Variants in NRP2 observed in about 807,000 individuals in gnomAD.
NRP2 encodes the protein neuropilin 2.
Under a neutral mutation model 110.4 loss-of-function variants are expected in NRP2, and 52 were observed. That is an observed-to-expected ratio of 0.47 (90% confidence interval 0.38 to 0.59). The LOEUF (loss-of-function observed/expected upper bound fraction) is 0.59, where lower values mean the gene tolerates loss of function less well. NRP2 is among the 20% of genes least tolerant of loss of function. The pLI is 0.00. For synonymous variants in NRP2, 508 were observed against 468.9 expected (o/e 1.08, Z -1.08); for missense variants, 1,049 against 1,203.0 (o/e 0.87, Z 1.89).
intron 1 of NRP2, among the ~76,000 whole-genome samples, chr2:205,689,246 G>C (rs1329744444): frequency 6.6e-6 from 1 of 152,202 alleles, no homozygotes; most frequent in African/African-American, 2.4e-5. Context: ...GACTGCCTGG[G>C]TTTAGAATCT....
rs1400138387 is a variant in NRP2 at position 205,722,655 on chromosome 2, G to A, written c.611G>A (p.Gly204Glu). 1.2e-6 allele frequency: 2 copies of A among 1,614,238 alleles called. No individual in the cohort carries two copies. Among genetic ancestry groups the A allele is most frequent in the Admixed American group, 1.7e-5 (1 of 60,036 alleles). ...CTGGAGCATGACCCTTTGCAGGTGG[G>A]AGAGGGGGACTGCAAGTACGATTGG... ...FDLEHDPLQVGEGDCKYDWLD... is the reference protein window; with the variant it reads ...FDLEHDPLQVEEGDCKYDWLD... The change falls in exon 4 of 17, where the codon GGA (glycine) becomes GAA (glutamate). Residue 204 changes from glycine to glutamate, a missense_variant. Coordinates refer to ENST00000357785, the MANE Select transcript of NRP2 (RefSeq NM_003872.3).
At chr2:205,788,710 T>C (rs1270109361) in intron 15 of NRP2, among the ~76,000 whole-genome samples, 6 of 152,214 alleles carry the variant, frequency 3.9e-5, no homozygotes, top group Non-Finnish European at 8.8e-5. Context: ...ATCCCTGCCC[T>C]GGACTCCAGC....
In NRP2 at chr2:205,763,886, G is replaced by A. The variant is rs753078349; in HGVS notation, c.2257G>A (p.Glu753Lys). The A allele has an allele frequency of 3.1e-6, 5 of 1,614,068 alleles. No individual in the cohort carries two copies. Among genetic ancestry groups the A allele is most frequent in the Non-Finnish European group, 4.2e-6 (5 of 1,179,948 alleles). Reference protein sequence around the residue: ...LWVIREDQGGEWKHGRIILPS... With the variant: ...LWVIREDQGGKWKHGRIILPS... The stretch of plus-strand genomic sequence containing the variant: ...GGTCATCCGTGAGGACCAGGGCGGC[G>A]AGTGGAAGCACGGGCGGATCATCCT... Residue 753 changes from glutamate (E) to lysine (K), a missense_variant, in exon 13 of 17, where the codon GAG (glutamate) becomes AAG (lysine). Glu to Lys is a moderately conservative substitution (Grantham distance 56). Transcript: ENST00000357785. This position sits in a 1 kb window ranked among gnomAD's most constrained non-coding sequence, Gnocchi z 4.0.
chr2:205,755,484 G>A (rs2057717626), intron 12 of NRP2, among the ~76,000 whole-genome samples: 2 of 152,214 alleles, frequency 1.3e-5, no homozygotes, highest in South Asian at 4.1e-4. Context: ...ATCCTCTGAT[G>A]ACTTTATGAA....
intron 15 of NRP2, chr2:205,776,349 G>A (rs756876111): frequency 6.2e-7 from 1 of 1,613,056 alleles, no homozygotes; most frequent in Non-Finnish European, 8.5e-7. Flanking sequence ...GCGCCGTGCT[G>A]GTGCTGGTCT....
intron 10 of NRP2, among the ~76,000 whole-genome samples, chr2:205,749,117 C>T (rs2057593951): frequency 1.3e-5 from 2 of 152,204 alleles, no homozygotes; most frequent in Admixed American, 6.5e-5. Context: ...CCCCTCCAGG[C>T]CCCAGTCTGC....
chr2:205,752,932 C>A lies in NRP2; in HGVS notation c.2001C>A (p.Thr667=). The A allele has an allele frequency of 6.2e-7, 1 of 1,614,088 alleles. No individual in the cohort carries two copies. The highest frequency in any genetic ancestry group is 8.5e-7 in the Non-Finnish European group (1 of 1,180,038). Residue 667 remains threonine (T), a synonymous_variant, in exon 12 of 17, where the codon ACC becomes ACA. Coordinates refer to ENST00000357785, the MANE Select transcript of NRP2 (RefSeq NM_003872.3). The part of the protein sequence containing the change: ...WMYDHAKWLR[T]TWASSSSPND... ...ATGACCATGCCAAGTGGCTCCGGACCACCTGGGCCAGCAGCTCCAGCCCAA... is the reference window on the plus strand; with the variant it reads ...ATGACCATGCCAAGTGGCTCCGGACAACCTGGGCCAGCAGCTCCAGCCCAA...
chr2:205,717,099 G>C (rs2056913585), intron 3 of NRP2, among the ~76,000 whole-genome samples: 1 of 151,896 alleles, frequency 6.6e-6, no homozygotes, highest in Admixed American at 6.6e-5. Context: ...AAATACAGCA[G>C]ACTTTTATTC....
At chr2:205,753,188 G>T (rs1455467459) in intron 12 of NRP2, among the ~76,000 whole-genome samples, 1 of 152,178 alleles carries the variant, frequency 6.6e-6, no homozygotes, top group African/African-American at 2.4e-5. Flanking sequence ...AGCACAGCCT[G>T]GAAGCTGGGA....
At chr2:205,707,472 CA>C (rs2056703633) in intron 2 of NRP2, among the ~76,000 whole-genome samples, 2 of 152,180 alleles carry the variant, frequency 1.3e-5, no homozygotes, top group South Asian at 4.1e-4. Context: ...TCTGAAGCTC[CA>C]AGTAAATGAA....
intron 1 of NRP2, among the ~76,000 whole-genome samples, chr2:205,695,395 C>T (rs138411898): frequency 1.3e-5 from 2 of 152,030 alleles, no homozygotes; most frequent in Non-Finnish European, 2.9e-5. Context: ...GATCTGTGTG[C>T]CTGGTCTAAT....
At chr2:205,776,039 T>C (rs2058091214) in intron 15 of NRP2, 5 of 717,788 alleles carry the variant, frequency 7.0e-6, no homozygotes, top group African/African-American at 3.5e-5. Flanking sequence ...GGTCTGACAA[T>C]AGCTACCTCC....
chr2:205,684,205 G>A (rs2056088370), intron 1 of NRP2, among the ~76,000 whole-genome samples: 1 of 152,124 alleles, frequency 6.6e-6, no homozygotes, highest in African/African-American at 2.4e-5. Context: ...CATTTGTGGG[G>A]AGCGGCAAGG....
At position 205,686,123 on chromosome 2, in the gene NRP2, T is replaced by C. The variant is rs368302792; in HGVS notation, c.73+2760T>C. ...AGCAGAAACAGAGCCCAGCGATCCATAAACATTCTATTAAGCAAAAATATT... is the reference window on the plus strand; with the variant it reads ...AGCAGAAACAGAGCCCAGCGATCCACAAACATTCTATTAAGCAAAAATATT... On this transcript the variant is annotated intron_variant, in intron 1 of 16. Transcript: ENST00000357785. The surrounding 1 kb of genome is among the most constrained non-coding windows in gnomAD (Gnocchi z 4.7). 6.7e-6 allele frequency among the ~76,000 whole-genome samples: 1 copy of C among 149,796 alleles called. No homozygotes were observed. Among genetic ancestry groups the C allele is most frequent in the Non-Finnish European group, 1.5e-5 (1 of 67,426 alleles).
chr2:205,775,481 A>C (rs1371231518), intron 15 of NRP2, among the ~76,000 whole-genome samples: 1 of 152,108 alleles, frequency 6.6e-6, no homozygotes, highest in African/African-American at 2.4e-5. Context: ...TCGCTCTCAC[A>C]TACCCTCTGT....
chr2:205,727,882 A>C lies in NRP2; in HGVS notation c.991-9A>C, dbSNP rs373338064. On this transcript the variant is annotated splice_polypyrimidine_tract_variant and intron_variant, in intron 6 of 16. Transcript: ENST00000357785. ...TGGTGGTCTCTTACTCCAGCCCTCT[A>C]TTCCCCAGGTGGACCTGCGCTTTTT... The C allele has an allele frequency of 9.9e-6, 16 of 1,611,556 alleles. No individual in the cohort carries two copies. In the South Asian group the frequency reaches 1.2e-4, roughly 12 times the overall value.
chr2:205,767,402 T>C, intron 15 of NRP2: 1 of 515,084 alleles, frequency 1.9e-6, no homozygotes, highest in Non-Finnish European at 3.9e-6. Context: ...GGAGAAAGAG[T>C]TGCCACATTT....
intron 7 of NRP2, among the ~76,000 whole-genome samples, chr2:205,739,430 C>T (rs1266538987): frequency 6.6e-6 from 1 of 152,164 alleles, no homozygotes; most frequent in Admixed American, 6.5e-5. Flanking sequence ...TTCCCCAGTT[C>T]TCTTGTCCCA....
intron 2 of NRP2, among the ~76,000 whole-genome samples, chr2:205,707,942 G>C (rs2056716543): frequency 6.6e-6 from 1 of 152,352 alleles, no homozygotes; most frequent in African/African-American, 2.4e-5. Flanking sequence ...CATGATTCCT[G>C]TTCCCTTTTG....
Sources: gnomAD v4.1 joint callset for allele counts (sites outside exome capture counted in the v4.1 genomes callset) on GRCh38, gnomAD v4.1.1 for gene constraint, Gnocchi (gnomAD v3.1) non-coding constraint, MANE v1.5 for transcripts, NCBI Gene and HGNC (gene_info 2026-07-23, HGNC 2026-07-21) for gene names.